The following CDH4 variants were observed in gnomAD, a reference collection of about 807,000 sequenced individuals.
CDH4 encodes cadherin-4.
A neutral mutation model predicts 86.0 loss-of-function variants in CDH4; 33 were observed. The observed-to-expected ratio is 0.38, with a 90% confidence interval of 0.29 to 0.51. The LOEUF (loss-of-function observed/expected upper bound fraction) is 0.51, where lower values mean the gene tolerates loss of function less well. Among genes scored for constraint, CDH4 ranks in the 20% least tolerant of loss-of-function variants. The pLI is 0.86. For missense variants in CDH4, 1,114 were observed against 1,307.4 expected, an observed-to-expected ratio of 0.85 and a Z score of 2.28; for synonymous variants, 555 against 549.4, an observed-to-expected ratio of 1.01 and a Z score of -0.14.
intron 3 of CDH4, among the ~76,000 whole-genome samples, chr20:61,756,531 C>T (rs1351383999): frequency 6.6e-6 from 1 of 150,526 alleles, no homozygotes; most frequent in Non-Finnish European, 1.5e-5. Context: ...CCCCCTGGCC[C>T]ATCACCCCAT....
chr20:61,327,013 C>T (rs528658705), intron 2 of CDH4, among the ~76,000 whole-genome samples: 8 of 152,270 alleles, frequency 5.3e-5, no homozygotes, highest in African/African-American at 1.9e-4. Flanking sequence ...TTTACCTCCA[C>T]CAGGCAAGAT....
intron 8 of CDH4, among the ~76,000 whole-genome samples, chr20:61,904,245 G>C (rs537863673): frequency 6.6e-6 from 1 of 152,196 alleles, no homozygotes; most frequent in African/African-American, 2.4e-5. Context: ...GGGCGCAGGC[G>C]TGCCAGGGGC....
chr20:61,386,692 G>A (rs6121433), intron 2 of CDH4, among the ~76,000 whole-genome samples: 37,502 of 152,130 alleles, frequency 0.25, 5,012 homozygotes, highest in African/African-American at 0.34. Context: ...TCTTCTCATC[G>A]GATTGTTTCA....
intron 2 of CDH4, among the ~76,000 whole-genome samples, chr20:61,565,233 G>GTGCTCTTGGTGGTGGTGGTGCTCT (rs1555809112): frequency 2.1e-5 from 1 of 46,744 alleles, no homozygotes; most frequent in Non-Finnish European, 4.1e-5. Context: ...GGTGGTGGTG[G>GTGCTCTTGGTGGTGGTGGTGCTCT]TGGTGGTGGC....
chr20:61,808,586 A>G (rs181871038), intron 4 of CDH4, among the ~76,000 whole-genome samples: 15 of 152,254 alleles, frequency 9.9e-5, no homozygotes, highest in African/African-American at 3.6e-4. Flanking sequence ...AATTTATGCA[A>G]AATTCCTCCT....
intron 2 of CDH4, among the ~76,000 whole-genome samples, chr20:61,354,790 C>T (rs1222995911): frequency 6.6e-6 from 1 of 152,182 alleles, no homozygotes; most frequent in Non-Finnish European, 1.5e-5. Flanking sequence ...TTTGATCCTA[C>T]ACTCCTAGTC....
At chr20:61,353,379 C>T (rs1016087806) in intron 2 of CDH4, among the ~76,000 whole-genome samples, 4 of 152,082 alleles carry the variant, frequency 2.6e-5, no homozygotes, top group East Asian at 1.9e-4. Flanking sequence ...CAATCTCCAG[C>T]GATGTGCCAA....
chr20:61,414,357 C>T (rs2252672), intron 2 of CDH4, among the ~76,000 whole-genome samples: 95,891 of 152,066 alleles, frequency 0.63, 31,001 homozygotes, highest in African/African-American at 0.77. Context: ...GGAATGGACT[C>T]CCCTGCATTT....
intron 2 of CDH4, among the ~76,000 whole-genome samples, chr20:61,443,443 T>C (rs2085324542): frequency 1.3e-5 from 2 of 152,206 alleles, no homozygotes; most frequent in African/African-American, 4.8e-5. Context: ...GGAGCCATTG[T>C]TCTTTTAAAT....
At chr20:61,732,889 G>A (rs946962562) in intron 2 of CDH4, among the ~76,000 whole-genome samples, 4 of 152,216 alleles carry the variant, frequency 2.6e-5, no homozygotes, top group Non-Finnish European at 2.9e-5. Context: ...TTCCATTTCG[G>A]GCATCTCAAA....
Position 61,631,434 on chromosome 20 carries a change from A to G in CDH4, c.170-112129A>G, listed in dbSNP as rs1226615250. 3.3e-5 allele frequency among the ~76,000 whole-genome samples: 5 copies of G among 152,112 alleles called. No individual in the cohort carries two copies. The East Asian group carries it at 9.7e-4, about 29-fold the overall frequency. ...GAGGGCAGATCATCTGAGGTCAGGG[A>G]TTCGAAACCAGCCTGGCCAACATGG... On this transcript the variant is annotated intron_variant, in intron 2 of 15. Coordinates refer to ENST00000614565, the MANE Select transcript of CDH4 (RefSeq NM_001794.5).
At chr20:61,565,403 G>GCTGGT (rs61652141) in intron 2 of CDH4, among the ~76,000 whole-genome samples, 1,458 of 20,158 alleles carry the variant, frequency 0.072, 385 homozygotes, top group African/African-American at 0.33. Flanking sequence ...TGATGGTGGT[G>GCTGGT]GCGGTGCTCT....
intron 2 of CDH4, 98 bp from the exon 3 acceptor site, chr20:61,743,465 C>A: frequency 1.2e-6 from 1 of 858,768 alleles, no homozygotes; most frequent in Non-Finnish European, 1.9e-6. Context: ...CCCCTCATGC[C>A]CACTGGGGGC....
At chr20:61,445,536 CT>C (rs1466582490) in intron 2 of CDH4, among the ~76,000 whole-genome samples, 4 of 152,116 alleles carry the variant, frequency 2.6e-5, no homozygotes, top group Non-Finnish European at 5.9e-5. Flanking sequence ...CAAACCTCCC[CT>C]GGCTTCCCTC....
chr20:61,825,536 C>T (rs1216768254), intron 4 of CDH4, among the ~76,000 whole-genome samples: 2 of 152,104 alleles, frequency 1.3e-5, no homozygotes, highest in African/African-American at 4.8e-5. Context: ...CTCAGTGCCT[C>T]GTATAAAGAT....
In CDH4 at chr20:61,392,957, G is replaced by A. The variant is rs938827821; in HGVS notation, c.169+138020G>A. 6.6e-6 allele frequency among the ~76,000 whole-genome samples: 1 copy of A among 152,112 alleles called. No homozygotes were observed. Among genetic ancestry groups the A allele is most frequent in the Admixed American group, 6.6e-5 (1 of 15,264 alleles). The stretch of plus-strand genomic sequence containing the variant: ...ATACTCACCCCGATACCCACCAAGG[G>A]CAGCCGAGCCTCCTGCTTGAGCACA... On this transcript the variant is annotated intron_variant, in intron 2 of 15. Transcript: ENST00000614565. The surrounding 1 kb of genome is among the most constrained non-coding windows in gnomAD (Gnocchi z 5.7).
At chr20:61,513,994 A>G (rs1363569390) in intron 2 of CDH4, among the ~76,000 whole-genome samples, 2 of 152,242 alleles carry the variant, frequency 1.3e-5, no homozygotes, top group Non-Finnish European at 2.9e-5. Context: ...GGCAACGCCC[A>G]CTGGAGACCT....
At chr20:61,705,614 C>T (rs190211983) in intron 2 of CDH4, among the ~76,000 whole-genome samples, 8 of 152,294 alleles carry the variant, frequency 5.3e-5, no homozygotes, top group Middle Eastern at 3.4e-3. Flanking sequence ...CATGGGACTT[C>T]CTCTGGCCCT....
At chr20:61,513,989 C>T (rs376114322) in intron 2 of CDH4, among the ~76,000 whole-genome samples, 49 of 152,330 alleles carry the variant, frequency 3.2e-4, no homozygotes, top group East Asian at 1.2e-3. Flanking sequence ...GAATGGGCAA[C>T]GCCCACTGGA....
Sources: gnomAD v4.1 joint callset for allele counts (sites outside exome capture counted in the v4.1 genomes callset) on GRCh38, gnomAD v4.1.1 for gene constraint, Gnocchi (gnomAD v3.1) non-coding constraint, MANE v1.5 for transcripts, NCBI Gene and HGNC (gene_info 2026-07-23, HGNC 2026-07-21) for gene names.